The following F8 variants were observed in gnomAD, a reference collection of about 807,000 sequenced individuals.
The protein encoded by F8 is coagulation factor VIII.
A neutral mutation model predicts 140.6 loss-of-function variants in F8; 12 were observed. The ratio of observed to expected loss-of-function variants is 0.09; its 90% CI spans 0.05 to 0.14. The LOEUF is 0.14. F8 is among the 10% of genes least tolerant of loss of function. F8 has a pLI of 1.00. For missense variants in F8, 1,354 were observed against 1,720.7 expected, an observed-to-expected ratio of 0.79 and a Z score of 3.77; for synonymous variants, 585 against 614.6, an observed-to-expected ratio of 0.95 and a Z score of 0.71.
chrX:154,869,143 G>C (rs1557273366), intron 22 of F8, among the ~76,000 whole-genome samples: 2 of 111,475 alleles, frequency 1.8e-5, no homozygotes, highest in Admixed American at 1.9e-4. Flanking sequence ...TAATGAGACA[G>C]AAAATTAACA....
chrX:154,982,222 T>C (rs1269542924), intron 6 of F8, among the ~76,000 whole-genome samples: 42 of 101,161 alleles, frequency 4.2e-4, no homozygotes, highest in East Asian at 3.1e-3. Context: ...CCAAGGCGGG[T>C]GGATCACGAG....
At chrX:154,865,988 A>G (rs2072728636) in intron 22 of F8, among the ~76,000 whole-genome samples, 1 of 111,335 alleles carries the variant, frequency 9.0e-6, no homozygotes, top group Non-Finnish European at 1.9e-5. Flanking sequence ...ACCCAACTAC[A>G]TGTTGTTGAT....
chrX:154,999,726 C>G lies in F8; in HGVS notation c.144-126G>C, dbSNP rs192555621. Reference sequence around the variant, plus strand: ...GCAAATTTGAAGTTGTATATAAATCCCTAACATCCATTAAACCGAAACACT... The same window carrying G: ...GCAAATTTGAAGTTGTATATAAATCGCTAACATCCATTAAACCGAAACACT... On this transcript the variant is annotated intron_variant, in intron 1 of 25. Transcript: ENST00000360256. 141 of 789,480 alleles carry G rather than the reference C, an allele frequency of 1.8e-4. No homozygotes were observed. The East Asian group carries it at 5.0e-3, about 28-fold the overall frequency. The allele number at this position is 789,480 out of a possible 1,213,427, so 65.1% of individuals were successfully genotyped here.
At chrX:154,928,507 G>T in intron 14 of F8, 64 bp downstream of exon 14, 2 of 979,979 alleles carry the variant, frequency 2.0e-6, no homozygotes, top group Non-Finnish European at 2.9e-6. Flanking sequence ...CATTGTTGGT[G>T]TCATCATCTG....
chrX:155,014,858 A>G (rs2073726636), intron 1 of F8, among the ~76,000 whole-genome samples: 3 of 112,563 alleles, frequency 2.7e-5, no homozygotes, highest in Non-Finnish European at 5.6e-5. Context: ...CCCCAAATTG[A>G]TCTACAGATT....
chrX:155,001,731 C>G (rs1374536746), intron 1 of F8, among the ~76,000 whole-genome samples: 3 of 110,824 alleles, frequency 2.7e-5, no homozygotes, highest in Non-Finnish European at 5.7e-5. Flanking sequence ...CTGGGCAACA[C>G]AGCAGTACCT....
chrX:154,847,616 C>T (rs782672278), intron 25 of F8, among the ~76,000 whole-genome samples: 2 of 112,238 alleles, frequency 1.8e-5, no homozygotes, highest in Non-Finnish European at 3.8e-5. Context: ...AGTTCTCGTG[C>T]CATGGTTTTC....
intron 14 of F8, among the ~76,000 whole-genome samples, chrX:154,915,645 T>C (rs782387188): frequency 4.4e-5 from 5 of 112,591 alleles, no homozygotes; most frequent in African/African-American, 1.3e-4. Context: ...ATAGAAATGC[T>C]ACTGATTTTT....
chrX:154,853,656 A>G (rs1383326744), intron 25 of F8, among the ~76,000 whole-genome samples: 1 of 111,989 alleles, frequency 8.9e-6, no homozygotes, highest in African/African-American at 3.2e-5. Context: ...GATTCATGAC[A>G]ATGCAGAATT....
At chrX:154,880,940 G>A (rs1603432223) in intron 22 of F8, among the ~76,000 whole-genome samples, 1 of 109,005 alleles carries the variant, frequency 9.2e-6, no homozygotes, top group Non-Finnish European at 1.9e-5. Context: ...TGAGTAATAT[G>A]TAGTGAGTGT....
At chrX:154,840,746 G>A (rs1033749395) in intron 25 of F8, among the ~76,000 whole-genome samples, 5 of 112,031 alleles carry the variant, frequency 4.5e-5, no homozygotes, top group Non-Finnish European at 9.4e-5. Context: ...TTCACTTATC[G>A]TTCTAGAGGC....
intron 22 of F8, among the ~76,000 whole-genome samples, chrX:154,873,914 A>C (rs2072793411): frequency 8.9e-6 from 1 of 112,241 alleles, no homozygotes; most frequent in African/African-American, 3.2e-5. Context: ...GAAAAAAGCT[A>C]CCTGATATTG....
intron 13 of F8, among the ~76,000 whole-genome samples, chrX:154,936,017 CACACACAA>C (rs2073222802): frequency 9.1e-6 from 1 of 109,457 alleles, no homozygotes; most frequent in African/African-American, 3.3e-5. Context: ...CACACACACA[CACACACAA>C]AAATCAAAGT....
chrX:154,979,897 T>C (rs1420033550), intron 6 of F8, among the ~76,000 whole-genome samples: 1 of 111,579 alleles, frequency 9.0e-6, no homozygotes, highest in Non-Finnish European at 1.9e-5. Flanking sequence ...CTCCCTATGC[T>C]AGTCTCTGTG....
At chrX:154,869,674 A>C (rs1215289911) in intron 22 of F8, among the ~76,000 whole-genome samples, 1 of 111,692 alleles carries the variant, frequency 9.0e-6, no homozygotes, top group Non-Finnish European at 1.9e-5. Context: ...AGCTAGCAGA[A>C]GACAGGAAAT....
chrX:154,878,082 TACTATGAGGCC>T (rs1488200601), intron 22 of F8, among the ~76,000 whole-genome samples: 14 of 111,673 alleles, frequency 1.3e-4, no homozygotes, highest in Admixed American at 1.0e-3. Context: ...TTACAACTCA[TACTATGAGGCC>T]ACCATATCTT....
At chrX:154,892,673 T>C (rs1557275251) in intron 22 of F8, among the ~76,000 whole-genome samples, 1 of 112,183 alleles carries the variant, frequency 8.9e-6, no homozygotes, top group Non-Finnish European at 1.9e-5. Flanking sequence ...ACAGAAAACA[T>C]GGAAATTAGG....
chrX:154,846,199 T>A (rs1557271742), intron 25 of F8, among the ~76,000 whole-genome samples: 1 of 111,717 alleles, frequency 9.0e-6, no homozygotes, highest in African/African-American at 3.3e-5. Flanking sequence ...TGCTGAGGAG[T>A]GCTTTACTTC....
chrX:154,994,283 T>C (rs782388830), intron 3 of F8, among the ~76,000 whole-genome samples: 5 of 112,554 alleles, frequency 4.4e-5, no homozygotes, highest in Non-Finnish European at 9.4e-5. Flanking sequence ...AATTTCATGA[T>C]AGTCCACTCC....
Sources: gnomAD v4.1 joint callset for allele counts (sites outside exome capture counted in the v4.1 genomes callset) on GRCh38, gnomAD v4.1.1 for gene constraint, MANE v1.5 for transcripts, NCBI Gene and HGNC (gene_info 2026-07-23, HGNC 2026-07-21) for gene names.